The following COL5A3 variants were observed in gnomAD, a reference collection of about 807,000 sequenced individuals.
COL5A3 encodes collagen alpha-3(V) chain.
A neutral mutation model predicts 250.0 loss-of-function variants in COL5A3; 172 were observed. The observed-to-expected ratio is 0.69, with a 90% CI of 0.61 to 0.78. The LOEUF (loss-of-function observed/expected upper bound fraction) is 0.78, where lower values mean the gene tolerates loss of function less well. Among genes scored for constraint, COL5A3 ranks in the 30% least tolerant of loss-of-function variants. COL5A3 has a pLI of 0.00. For missense variants in COL5A3, 2,340 were observed against 2,334.4 expected (o/e 1.00, Z -0.05); for synonymous variants, 937 against 900.4 (o/e 1.04, Z -0.73).
At chr19:9,983,529 G>A (rs1028933790) in intron 31 of COL5A3, among the ~76,000 whole-genome samples, 7 of 95,230 alleles carry the variant, frequency 7.4e-5, no homozygotes, top group East Asian at 2.9e-4. Context: ...CAAAAAGAAA[G>A]AAGAAAGAAA....
intron 35 of COL5A3, 146 bp downstream of exon 35, chr19:9,980,502 C>T (rs575159465): frequency 1.3e-5 from 15 of 1,177,750 alleles, no homozygotes; most frequent in East Asian, 5.1e-5. Flanking sequence ...GGTGGGACTA[C>T]AGGCGTGCAC....
chr19:9,979,442 GGCGGTGTTACATGGGGAAGGGATGGAGGA>G (rs1396185665), intron 37 of COL5A3, 25 bp from the exon 38 acceptor site: 2 of 1,613,548 alleles, frequency 1.2e-6, no homozygotes, highest in Non-Finnish European at 1.7e-6. Context: ...TAAATGTGGG[GGCGGTGTTACATGGGGAAGGGATGGAGGA>G]GCAGGAGACA....
In COL5A3 at chr19:9,967,912, C is replaced by G; in HGVS notation, c.4396G>C (p.Gly1466Arg). The change falls in exon 61 of 67, where the codon GGG becomes CGG. Residue 1466 changes from glycine to arginine, a missense_variant. This residue lies in a region of COL5A3 where 1,179 missense variants were observed against 1,162.6 expected (regional missense o/e 1.01). Transcript: ENST00000264828. ...AAGCAGGGTGTACTCACCGGAGACC[C>G]TTTTGAGCCTTTCTGTCCTAGAGGG... ...AGPLGQKGSKGSPGSMGPRGD... is the reference protein window; with the variant it reads ...AGPLGQKGSKRSPGSMGPRGD... The G allele has an allele frequency of 6.2e-7, 1 of 1,613,316 alleles. No homozygotes were observed. The highest frequency in any genetic ancestry group is 8.5e-7 in the Non-Finnish European group (1 of 1,179,738).
intron 64 of COL5A3, among the ~76,000 whole-genome samples, chr19:9,965,923 T>G (rs2086738674): frequency 6.6e-6 from 1 of 152,148 alleles, no homozygotes; most frequent in African/African-American, 2.4e-5. Context: ...AACCTCTGCC[T>G]CTAGGGCTCA....
Position 9,977,684 on chromosome 19 carries a change from G to T in COL5A3, c.3036C>A (p.Arg1012=), listed in dbSNP as rs62638743. The part of the protein sequence containing the change: ...PVGANGSPGE[R]GPLGPAGGIG... ...TGCCTCCTGCTGGGCCCAAAGGACCGCGCTCACCAGGGGAGCCCTGAGAAC... is the reference window on the plus strand; with the variant it reads ...TGCCTCCTGCTGGGCCCAAAGGACCTCGCTCACCAGGGGAGCCCTGAGAAC... Residue 1012 remains arginine (R), a synonymous_variant, in exon 42 of 67, where the codon CGC becomes CGA. Coordinates refer to ENST00000264828, the MANE Select transcript of COL5A3 (RefSeq NM_015719.4). The T allele has an allele frequency of 1.9e-6, 3 of 1,598,802 alleles. No homozygotes were observed. In the East Asian group the frequency reaches 6.7e-5, roughly 36 times the overall value.
intron 66 of COL5A3, 43 bp downstream of exon 66, chr19:9,960,608 T>A: frequency 6.2e-7 from 1 of 1,613,520 alleles, no homozygotes; most frequent in Non-Finnish European, 8.5e-7. Flanking sequence ...GTGGCCGACA[T>A]CTTGCCTCCC....
Position 9,970,649 on chromosome 19 carries a change from G to T in COL5A3, c.3909C>A (p.Pro1303=), listed in dbSNP as rs533844588. The T allele has an allele frequency of 6.9e-7, 1 of 1,453,116 alleles. No individual in the cohort carries two copies. Among genetic ancestry groups the T allele is most frequent in the East Asian group, 2.6e-5 (1 of 38,296 alleles). 90.0% of individuals were successfully genotyped at this position (1,453,116 alleles called of 1,614,324 possible). A position where few individuals can be genotyped will look rare whatever the true frequency, so the allele number is the denominator to read the frequency against. ...TCTTGCCGGGGGGCCCGGGGGCGCC[G>T]GGCTCCCCAGAAGCTCCAGGCGGAC... The part of the protein sequence containing the change: ...GPGPPGASGE[P]GAPGPPGKRG... The change falls in exon 54 of 67, where the codon CCC becomes CCA. Residue 1303 remains proline, a synonymous_variant. Coordinates refer to ENST00000264828, the MANE Select transcript of COL5A3 (RefSeq NM_015719.4).
intron 27 of COL5A3, among the ~76,000 whole-genome samples, chr19:9,988,656 C>T (rs1218456762): frequency 6.6e-6 from 1 of 151,364 alleles, no homozygotes; most frequent in Non-Finnish European, 1.5e-5. Flanking sequence ...CATGGTGAAA[C>T]CCTGTCTCTA....
At chr19:9,995,926 G>C (rs758546889) in intron 15 of COL5A3, 140 bp downstream of exon 15, 3 of 894,494 alleles carry the variant, frequency 3.4e-6, no homozygotes, top group African/African-American at 1.7e-5. Context: ...TTCCAGATGT[G>C]AGCCACCATT....
rs747357462 is a variant in COL5A3, at chr19:9,978,872, G to C, written c.2964+19C>G. The C allele has an allele frequency of 2.6e-5, 37 of 1,421,360 alleles. No homozygotes were observed. Among genetic ancestry groups the C allele is most frequent in the Non-Finnish European group, 3.3e-5 (36 of 1,076,150 alleles). 88.0% of individuals were successfully genotyped at this position (1,421,360 alleles called of 1,614,324 possible). The stretch of plus-strand genomic sequence containing the variant: ...TCCTTCTCTAAGGGACATGCAGGAG[G>C]GTCTCCAAAGATACTCACCGGGTCC... On this transcript the variant is annotated intron_variant, in intron 40 of 66. Transcript: ENST00000264828.
At chr19:10,000,325 A>C (rs1342357892) in intron 8 of COL5A3, among the ~76,000 whole-genome samples, 1 of 151,938 alleles carries the variant, frequency 6.6e-6, no homozygotes, top group Admixed American at 6.6e-5. Flanking sequence ...GCATGTCCCA[A>C]AGTGGTCCAC....
At chr19:9,982,144 A>C (rs754152769) in intron 31 of COL5A3, 26 bp from the exon 32 acceptor site, 1 of 1,552,048 alleles carries the variant, frequency 6.4e-7, no homozygotes, top group Non-Finnish European at 8.8e-7. Context: ...TAGAAAGAAG[A>C]CATGAGGGTG....
intron 5 of COL5A3, 76 bp from the exon 6 acceptor site, chr19:10,003,790 G>T (rs1340130520): frequency 1.3e-6 from 2 of 1,576,638 alleles, no homozygotes; most frequent in Non-Finnish European, 1.7e-6. Context: ...CTGGGGTGAG[G>T]CTGGCTCATG....
Position 9,960,068 on chromosome 19 carries a change from A to C in COL5A3, c.*343T>G. 7.8e-6 allele frequency: 2 copies of C among 256,414 alleles called. No individual in the cohort carries two copies. Among genetic ancestry groups the C allele is most frequent in the Non-Finnish European group, 7.1e-6 (1 of 140,536 alleles). 15.9% of individuals were successfully genotyped at this position (256,414 alleles called of 1,614,324 possible). ...GCGACGGAGGAGTGAGGAGGCAGGCATTGGGGGTGGGGGGGCTTTTGTTCA... is the reference window on the plus strand; with the variant it reads ...GCGACGGAGGAGTGAGGAGGCAGGCCTTGGGGGTGGGGGGGCTTTTGTTCA... On this transcript the variant is annotated 3_prime_UTR_variant, in exon 67 of 67. Transcript: ENST00000264828.
At chr19:9,966,479 C>CA in intron 63 of COL5A3, 53 bp from the exon 64 acceptor site, 4 of 1,564,704 alleles carry the variant, frequency 2.6e-6, no homozygotes, top group Middle Eastern at 3.8e-4. Flanking sequence ...CGACGGACCC[C>CA]AACCCCCCCC....
At chr19:9,980,591 ATC>A (rs59038787) in intron 35 of COL5A3, 55 bp downstream of exon 35, 260 of 1,505,248 alleles carry the variant, frequency 1.7e-4, no homozygotes, top group Non-Finnish European at 4.0e-5. Context: ...TCCACTCAGA[ATC>A]TCTCTCTCTC....
At chr19:10,001,415 C>G (rs113865073) in intron 8 of COL5A3, 109 bp downstream of exon 8, 181,314 of 1,136,364 alleles carry the variant, frequency 0.16, 15,004 homozygotes, top group Admixed American at 0.22. Context: ...CCAAAGTGTT[C>G]GGATTACAGG....
intron 4 of COL5A3, among the ~76,000 whole-genome samples, chr19:10,004,966 G>T (rs1462436543): frequency 6.6e-6 from 1 of 151,496 alleles, no homozygotes; most frequent in Non-Finnish European, 1.5e-5. Context: ...TGGTCTTGTG[G>T]CTCTGCAATC....
chr19:9,975,061 C>CTT (rs5827078), intron 45 of COL5A3, among the ~76,000 whole-genome samples: 1 of 126,848 alleles, frequency 7.9e-6, no homozygotes. Context: ...CTGTGCCTGG[C>CTT]TTTTTTTTTT....
Sources: gnomAD v4.1 joint callset for allele counts (sites outside exome capture counted in the v4.1 genomes callset) on GRCh38, gnomAD v4.1.1 for gene constraint, gnomAD v4.1.1 regional missense constraint, MANE v1.5 for transcripts, NCBI Gene and HGNC (gene_info 2026-07-23, HGNC 2026-07-21) for gene names.